AKIRIN2: variants seen among roughly 807,000 people sequenced by gnomAD.
The protein encoded by AKIRIN2 is akirin 2.
AKIRIN2 carries 6 observed loss-of-function variants against 29.3 expected under a neutral mutation model. The ratio of observed to expected loss-of-function variants is 0.20; its 90% CI spans 0.11 to 0.40. The LOEUF is 0.40. AKIRIN2 is among the 10% of genes least tolerant of loss of function. The pLI is 1.00. For missense variants in AKIRIN2, 210 were observed against 276.1 expected (o/e 0.76, Z 1.70); for synonymous variants, 128 against 117.5 (o/e 1.09, Z -0.58).
intron 1 of AKIRIN2, chr6:87,700,923 T>C (rs967524501): frequency 1.3e-5 from 2 of 149,848 alleles, no homozygotes; most frequent in African/African-American, 5.0e-5. Context: ...CTCGCCCTAG[T>C]GACATCCATC....
intron 2 of AKIRIN2, 30 bp downstream of exon 2, chr6:87,681,590 A>T: frequency 6.3e-7 from 1 of 1,588,010 alleles, no homozygotes; most frequent in Non-Finnish European, 8.5e-7. Context: ...CTAAATAATA[A>T]ACTTTGTAAA....
chr6:87,692,941 A>G (rs920863611), intron 1 of AKIRIN2, among the ~76,000 whole-genome samples: 6 of 152,280 alleles, frequency 3.9e-5, no homozygotes, highest in Admixed American at 3.9e-4. Context: ...CAAGAAGGCA[A>G]TAACTGGTCG....
intron 1 of AKIRIN2, among the ~76,000 whole-genome samples, chr6:87,692,638 C>G (rs925661578): frequency 2.0e-5 from 3 of 151,860 alleles, no homozygotes; most frequent in Non-Finnish European, 4.4e-5. Context: ...ATGGCAAAAC[C>G]CTGTCTCTAC....
At chr6:87,676,618 CACACACACAA>C (rs1476998230) in intron 3 of AKIRIN2, among the ~76,000 whole-genome samples, 2 of 107,772 alleles carry the variant, frequency 1.9e-5, no homozygotes, top group Non-Finnish European at 2.1e-5. Flanking sequence ...CACACACACA[CACACACACAA>C]ACATAGCTGG....
chr6:87,680,567 A>T (rs906094780), intron 2 of AKIRIN2, among the ~76,000 whole-genome samples: 2 of 151,872 alleles, frequency 1.3e-5, no homozygotes, highest in Admixed American at 1.3e-4. Context: ...CACCGCGCCC[A>T]GCCGCAAATT....
chr6:87,701,731 G>A lies in AKIRIN2; in HGVS notation c.-47C>T. 1 of 1,334,072 alleles carries A rather than the reference G, an allele frequency of 7.5e-7. No individual in the cohort carries two copies. Among genetic ancestry groups the A allele is most frequent in the Non-Finnish European group, 9.8e-7 (1 of 1,016,100 alleles). 82.6% of individuals were successfully genotyped at this position (1,334,072 alleles called of 1,614,324 possible). ...CGGGCTCGGGTGGGGTCGGGGACGG[G>A]TGACGAAAGAAGAGGGTGAGGGAAG... On this transcript the variant is annotated 5_prime_UTR_variant, in exon 1 of 5. Transcript: ENST00000257787.
At chr6:87,698,989 T>A (rs1375843062) in intron 1 of AKIRIN2, among the ~76,000 whole-genome samples, 1 of 152,198 alleles carries the variant, frequency 6.6e-6, no homozygotes, top group Non-Finnish European at 1.5e-5. Context: ...GTACTCTAGT[T>A]CTACATTAAT....
At chr6:87,690,889 C>A (rs1234702826) in intron 1 of AKIRIN2, among the ~76,000 whole-genome samples, 1 of 152,128 alleles carries the variant, frequency 6.6e-6, no homozygotes, top group Non-Finnish European at 1.5e-5. Flanking sequence ...AGGAGAATCA[C>A]TTGAATCCAG....
intron 1 of AKIRIN2, among the ~76,000 whole-genome samples, chr6:87,686,812 A>G (rs530584333): frequency 1.8e-4 from 28 of 152,160 alleles, no homozygotes; most frequent in Admixed American, 5.9e-4. Flanking sequence ...TTGGAAGGCC[A>G]AGGCAGGCGG....
At chr6:87,688,498 C>T (rs1771226855) in intron 1 of AKIRIN2, among the ~76,000 whole-genome samples, 1 of 152,002 alleles carries the variant, frequency 6.6e-6, no homozygotes, top group African/African-American at 2.4e-5. Context: ...GTAATCCCAG[C>T]ACTTTGGGAG....
intron 3 of AKIRIN2, among the ~76,000 whole-genome samples, chr6:87,676,381 G>A (rs1169399897): frequency 1.4e-5 from 2 of 146,604 alleles, no homozygotes; most frequent in African/African-American, 2.6e-5. Context: ...CAGGAGAATG[G>A]CGTGAACCCA....
At chr6:87,695,148 A>G (rs1771338115) in intron 1 of AKIRIN2, among the ~76,000 whole-genome samples, 1 of 152,224 alleles carries the variant, frequency 6.6e-6, no homozygotes, top group South Asian at 2.1e-4. Context: ...ATTCTTATAC[A>G]TGGGGCTACT....
At chr6:87,676,447 C>CA (rs71021319) in intron 3 of AKIRIN2, among the ~76,000 whole-genome samples, 6,409 of 41,862 alleles carry the variant, frequency 0.15, 533 homozygotes, top group Non-Finnish European at 0.16. Flanking sequence ...GCCTGGGCAA[C>CA]AAAAAAAAAA....
At chr6:87,675,720 A>G in intron 4 of AKIRIN2, 113 bp from the exon 5 acceptor site, 1 of 1,481,314 alleles carries the variant, frequency 6.8e-7, no homozygotes. Context: ...AAAGACTTGC[A>G]AAGTTATGCT....
intron 1 of AKIRIN2, among the ~76,000 whole-genome samples, chr6:87,699,994 T>G (rs1246159939): frequency 6.6e-6 from 1 of 152,162 alleles, no homozygotes; most frequent in Non-Finnish European, 1.5e-5. Context: ...ATTCCAAAAA[T>G]GTCAACCACC....
intron 2 of AKIRIN2, 32 bp from the exon 3 acceptor site, chr6:87,677,999 G>C: frequency 1.3e-6 from 2 of 1,584,442 alleles, no homozygotes; most frequent in Non-Finnish European, 1.7e-6. Context: ...AATAGCACCT[G>C]GTTTAGAGCC....
rs754283062 is a variant in AKIRIN2 at position 87,681,699 on chromosome 6, C to T, written c.300G>A (p.Thr100=). Reference sequence around the variant, plus strand: ...AACACGGATCTGTCTGTTGGAAACTCGTTTCTAAATGTCTTCTCTTCTGCA... The same window carrying T: ...AACACGGATCTGTCTGTTGGAAACTTGTTTCTAAATGTCTTCTCTTCTGCA... ...KRMQKRRHLE[T]SFQQTDPCCT... The change falls in exon 2 of 5, where the codon ACG becomes ACA. Residue 100 remains threonine, a synonymous_variant. Coordinates refer to ENST00000257787, the MANE Select transcript of AKIRIN2 (RefSeq NM_018064.4). 3.1e-6 allele frequency: 5 copies of T among 1,612,690 alleles called. No individual in the cohort carries two copies. In the South Asian group the frequency reaches 3.3e-5, roughly 11 times the overall value.
chr6:87,700,464 T>C (rs1480851319), intron 1 of AKIRIN2: 1 of 152,230 alleles, frequency 6.6e-6, no homozygotes, highest in Non-Finnish European at 1.5e-5. Context: ...TTTACACTTC[T>C]AGTCCACAAA....
At chr6:87,701,365 C>CCACCCCAGGGGCCGCATCCCA in intron 1 of AKIRIN2, 85 bp downstream of exon 1, 1 of 1,393,994 alleles carries the variant, frequency 7.2e-7, no homozygotes, top group Non-Finnish European at 9.5e-7. Flanking sequence ...TCCGGCACCC[C>CCACCCCAGGGGCCGCATCCCA]CACCCCAGGG....
Sources: gnomAD v4.1 joint callset for allele counts (sites outside exome capture counted in the v4.1 genomes callset) on GRCh38, gnomAD v4.1.1 for gene constraint, MANE v1.5 for transcripts, NCBI Gene and HGNC (gene_info 2026-07-23, HGNC 2026-07-21) for gene names.